The following TMCO6 variants were observed in gnomAD, a reference collection of about 807,000 sequenced individuals.
The protein encoded by TMCO6 is transmembrane and coiled-coil domain-containing protein 6.
Under a neutral mutation model 61.8 loss-of-function variants are expected in TMCO6, and 47 were observed. That is an observed-to-expected ratio of 0.76 (90% CI 0.60 to 0.97). The LOEUF (loss-of-function observed/expected upper bound fraction) is 0.97, where lower values mean the gene tolerates loss of function less well. TMCO6 is among the 50% of genes least tolerant of loss of function. The probability of loss-of-function intolerance (pLI) is 0.00; values close to 1 mark genes in which losing one functional copy is unlikely to be tolerated. For synonymous variants in TMCO6, 261 were observed against 254.2 expected (o/e 1.03, Z -0.25); for missense variants, 557 against 601.6 (o/e 0.93, Z 0.78).
chr5:140,616,934 T>G, the TMCO6 span, among the ~76,000 whole-genome samples: 2 of 151,714 alleles, frequency 1.3e-5, no homozygotes, highest in East Asian at 3.9e-4. Flanking sequence ...TCCCAACTAC[T>G]CAGGAGGCTG....
the TMCO6 span, chr5:140,609,176 TG>T: frequency 6.5e-6 from 1 of 154,054 alleles, no homozygotes; most frequent in South Asian, 2.0e-4. Context: ...GCCACCACCA[TG>T]GGCACCTCAC....
At chr5:140,630,766 T>C in the TMCO6 span, among the ~76,000 whole-genome samples, 1 of 152,240 alleles carries the variant, frequency 6.6e-6, no homozygotes, top group Admixed American at 6.5e-5. Context: ...GTAATGTCTG[T>C]AACTCTCTTA....
At chr5:140,620,230 G>A in the TMCO6 span, among the ~76,000 whole-genome samples, 7 of 152,066 alleles carry the variant, frequency 4.6e-5, no homozygotes, top group Non-Finnish European at 1.0e-4. Flanking sequence ...CAAAAGACAT[G>A]GAAAAAACTT....
chr5:140,634,414 C>A, the TMCO6 span, among the ~76,000 whole-genome samples: 2 of 151,098 alleles, frequency 1.3e-5, no homozygotes, highest in African/African-American at 4.9e-5. Context: ...GAATAAGGAG[C>A]TACGCATTTA....
the TMCO6 span, chr5:140,632,912 A>G: frequency 7.4e-6 from 12 of 1,614,038 alleles, no homozygotes; most frequent in Admixed American, 1.2e-4. This position sits in a 1 kb window ranked among gnomAD's most constrained non-coding sequence, Gnocchi z 6.2. Context: ...CCAGCTCACA[A>G]GGTTCTGGCG....
chr5:140,606,006 C>T, the TMCO6 span, among the ~76,000 whole-genome samples: 6 of 152,040 alleles, frequency 3.9e-5, no homozygotes, highest in African/African-American at 1.5e-4. Context: ...TATTTTCTTT[C>T]AATCGTTTTA....
At chr5:140,643,235 C>A in intron 7 of TMCO6, 194 bp downstream of exon 7, 2 of 786,974 alleles carry the variant, frequency 2.5e-6, no homozygotes, top group Non-Finnish European at 3.9e-6. Flanking sequence ...CTCTGTCACC[C>A]AGGCTGGATG....
chr5:140,645,474 T>C (rs1757341079), downstream of TMCO6: 1 of 1,392,376 alleles, frequency 7.2e-7, no homozygotes, highest in Non-Finnish European at 1.0e-6. Context: ...CCTGAGAAAG[T>C]ATTTTACAGC....
chr5:140,637,341 T>C (rs1749383827), upstream of TMCO6, among the ~76,000 whole-genome samples: 2 of 152,212 alleles, frequency 1.3e-5, no homozygotes, highest in Admixed American at 6.5e-5. Flanking sequence ...AGTAGACTAG[T>C]GGCACTCCAC....
rs1337490210 is a variant in TMCO6 at position 140,645,396 on chromosome 5, T to G, written c.*298T>G. The G allele has an allele frequency of 1.2e-6, 1 of 821,760 alleles. No individual in the cohort carries two copies. The highest frequency in any genetic ancestry group is 2.0e-6 in the Non-Finnish European group (1 of 496,136). The allele number at this position is 821,760 out of a possible 1,614,324, so 50.9% of individuals were successfully genotyped here. On this transcript the variant is annotated 3_prime_UTR_variant, in exon 12 of 12. Transcript: ENST00000394671. Reference sequence around the variant, plus strand: ...GATGAGACAGAATAAAGTTTTATTTTTATATTAAGCTACTTTGCCTCAGTG... The same window carrying G: ...GATGAGACAGAATAAAGTTTTATTTGTATATTAAGCTACTTTGCCTCAGTG...
chr5:140,636,468 CAA>C (rs762918105), upstream of TMCO6, among the ~76,000 whole-genome samples: 1 of 110,160 alleles, frequency 9.1e-6, no homozygotes, highest in Non-Finnish European at 2.0e-5. Context: ...GACCCTGGCT[CAA>C]AAAAAAAAAT....
At chr5:140,621,224 A>G in the TMCO6 span, among the ~76,000 whole-genome samples, 1 of 152,100 alleles carries the variant, frequency 6.6e-6, no homozygotes. Flanking sequence ...CCTTCTTAGT[A>G]TCCTTTGCTG....
At chr5:140,616,796 AG>A in the TMCO6 span, among the ~76,000 whole-genome samples, 1 of 152,164 alleles carries the variant, frequency 6.6e-6, no homozygotes, top group African/African-American at 2.4e-5. Flanking sequence ...CTGTAATCAC[AG>A]CACTTTGGGA....
chr5:140,607,428 T>A, the TMCO6 span, among the ~76,000 whole-genome samples: 3 of 152,248 alleles, frequency 2.0e-5, no homozygotes, highest in South Asian at 4.1e-4. Context: ...ACATTTTATG[T>A]ATTCATTTAT....
upstream of TMCO6, among the ~76,000 whole-genome samples, chr5:140,636,707 G>A (rs1247687440): frequency 1.3e-5 from 2 of 152,106 alleles, no homozygotes; most frequent in East Asian, 3.9e-4. Context: ...ATGATGGCCT[G>A]TAGATATTTT....
At chr5:140,636,209 G>A (rs1756767882), upstream of TMCO6, among the ~76,000 whole-genome samples, 1 of 152,146 alleles carries the variant, frequency 6.6e-6, no homozygotes, top group East Asian at 1.9e-4. Flanking sequence ...TGTTGGTCAT[G>A]CTGGTCTCGA....
chr5:140,642,842 C>T (rs1757125957), intron 6 of TMCO6, 83 bp from the exon 7 acceptor site: 2 of 1,607,978 alleles, frequency 1.2e-6, no homozygotes, highest in African/African-American at 2.7e-5. Context: ...TGGGTTTGGA[C>T]ACTCTCCCAC....
At chr5:140,647,493 G>C, downstream of TMCO6, 2 of 1,612,424 alleles carry the variant, frequency 1.2e-6, no homozygotes, top group Non-Finnish European at 8.5e-7. Context: ...CTGACGCCCT[G>C]GCTGCCGGGC....
At chr5:140,620,742 G>A in the TMCO6 span, among the ~76,000 whole-genome samples, 1 of 152,324 alleles carries the variant, frequency 6.6e-6, no homozygotes, top group Admixed American at 6.5e-5. Flanking sequence ...TGGGGTGGGT[G>A]GCTCACGCCT....
Sources: allele counts gnomAD v4.1 joint callset (sites outside exome capture counted in the v4.1 genomes callset), GRCh38; gene constraint gnomAD v4.1.1; non-coding constraint Gnocchi (gnomAD v3.1); transcripts MANE v1.5; gene names NCBI Gene and HGNC (gene_info 2026-07-23, HGNC 2026-07-21).